The following CRHR1 variants were observed in gnomAD, a reference collection of about 807,000 sequenced individuals.
CRHR1 encodes corticotropin-releasing hormone receptor 1.
Under a neutral mutation model 56.0 loss-of-function variants are expected in CRHR1, and 28 were observed. The observed-to-expected ratio is 0.50, with a 90% CI of 0.37 to 0.69. CRHR1 has a LOEUF of 0.69. Among genes scored for constraint, CRHR1 ranks in the 30% least tolerant of loss-of-function variants. The pLI is 0.00. For missense variants in CRHR1, 376 were observed against 548.0 expected, an observed-to-expected ratio of 0.69 and a Z score of 3.13; for synonymous variants, 195 against 216.5, an observed-to-expected ratio of 0.90 and a Z score of 0.87.
chr17:45,834,802 C>T lies in CRHR1; in HGVS notation c.*38C>T, dbSNP rs947361362. ...TGGAGCAGCCCCCAAAGAGCTGTGG[C>T]TGGGGGGATGACGGCCAGGCTCCCT... is the stretch of plus-strand genomic sequence containing the variant. On this transcript the variant is annotated 3_prime_UTR_variant, in exon 13 of 13. Transcript: ENST00000314537. 4.3e-6 allele frequency: 7 copies of T among 1,612,248 alleles called. No individual in the cohort carries two copies. The highest frequency in any genetic ancestry group is 1.7e-4 in the Middle Eastern group (1 of 6,056).
At chr17:45,822,870 G>A (rs1286357331) in intron 4 of CRHR1, among the ~76,000 whole-genome samples, 3 of 149,424 alleles carry the variant, frequency 2.0e-5, no homozygotes, top group African/African-American at 7.4e-5. Flanking sequence ...GTGGGGCCAA[G>A]TGCGGTGGCT....
intron 1 of CRHR1, among the ~76,000 whole-genome samples, chr17:45,791,029 C>G (rs1245388136): frequency 6.6e-6 from 1 of 152,214 alleles, no homozygotes; most frequent in African/African-American, 2.4e-5. Context: ...GCAGCATTGC[C>G]ATTTCCAGTG....
chr17:45,810,063 T>C (rs1197442471), intron 2 of CRHR1, among the ~76,000 whole-genome samples: 1 of 152,132 alleles, frequency 6.6e-6, no homozygotes, highest in Non-Finnish European at 1.5e-5. Context: ...TCGGATCACT[T>C]GAGGTCAGGT....
chr17:45,796,697 G>A (rs1456228024), intron 1 of CRHR1, among the ~76,000 whole-genome samples: 3 of 152,056 alleles, frequency 2.0e-5, no homozygotes, highest in African/African-American at 7.2e-5. Flanking sequence ...GGGTCGAGAA[G>A]GATTAAATGA....
intron 1 of CRHR1, among the ~76,000 whole-genome samples, chr17:45,806,566 C>T (rs1431148169): frequency 2.6e-5 from 4 of 152,114 alleles, no homozygotes; most frequent in East Asian, 1.9e-4. Flanking sequence ...AGTGGGTGCA[C>T]GCATGGGGAT....
At chr17:45,787,351 A>G (rs1174622095) in intron 1 of CRHR1, among the ~76,000 whole-genome samples, 2 of 152,148 alleles carry the variant, frequency 1.3e-5, no homozygotes, top group Non-Finnish European at 2.9e-5. Flanking sequence ...AGGGAGATGG[A>G]GTGTGGCTGT....
intron 2 of CRHR1, among the ~76,000 whole-genome samples, chr17:45,808,358 C>T (rs140643482): frequency 1.5e-3 from 233 of 152,282 alleles, no homozygotes; most frequent in African/African-American, 4.8e-3. Flanking sequence ...AGCCTGGGGG[C>T]AGAGGAACAA....
chr17:45,818,127 G>A (rs773065115), intron 3 of CRHR1, among the ~76,000 whole-genome samples: 2 of 152,142 alleles, frequency 1.3e-5, no homozygotes, highest in Admixed American at 6.5e-5. Flanking sequence ...AGTGATCCTC[G>A]TGTCTGGGCC....
chr17:45,805,751 G>A (rs1021955681), intron 1 of CRHR1, among the ~76,000 whole-genome samples: 2 of 152,134 alleles, frequency 1.3e-5, no homozygotes, highest in African/African-American at 4.8e-5. Flanking sequence ...CGGTTACAAT[G>A]CTCCCCTCTC....
chr17:45,809,241 T>A (rs1291239750), intron 2 of CRHR1, among the ~76,000 whole-genome samples: 1 of 152,122 alleles, frequency 6.6e-6, no homozygotes, highest in Non-Finnish European at 1.5e-5. Flanking sequence ...CCAGAGCATC[T>A]GGCTGCAAAG....
intron 1 of CRHR1, among the ~76,000 whole-genome samples, chr17:45,801,970 T>C (rs1169779761): frequency 6.6e-6 from 1 of 152,086 alleles, no homozygotes; most frequent in Non-Finnish European, 1.5e-5. Flanking sequence ...TTTGCAAATC[T>C]TCACACTGCC....
chr17:45,831,408 T>C (rs1194611118), intron 8 of CRHR1, among the ~76,000 whole-genome samples: 34 of 151,930 alleles, frequency 2.2e-4, no homozygotes, highest in Admixed American at 2.2e-3. Flanking sequence ...AATAAAAGAG[T>C]CCATGAATTT....
intron 2 of CRHR1, among the ~76,000 whole-genome samples, chr17:45,812,412 A>G (rs1264037447): frequency 1.3e-5 from 2 of 152,182 alleles, no homozygotes; most frequent in African/African-American, 4.8e-5. Flanking sequence ...TGGCTTGGCT[A>G]TTTGCAAGGT....
chr17:45,828,885 C>A (rs371661855), intron 4 of CRHR1, among the ~76,000 whole-genome samples: 13 of 152,186 alleles, frequency 8.5e-5, no homozygotes, highest in African/African-American at 2.7e-4. Flanking sequence ...TGGGTAGATG[C>A]GAGTGTGAGG....
intron 1 of CRHR1, among the ~76,000 whole-genome samples, chr17:45,789,858 C>CG (rs1568027463): frequency 6.6e-6 from 1 of 152,066 alleles, no homozygotes; most frequent in Non-Finnish European, 1.5e-5. Context: ...CTGTCTAAAG[C>CG]GGGGGAAATA....
At chr17:45,795,027 C>T (rs1034950615) in intron 1 of CRHR1, among the ~76,000 whole-genome samples, 1 of 152,228 alleles carries the variant, frequency 6.6e-6, no homozygotes, top group Non-Finnish European at 1.5e-5. Flanking sequence ...CTTCCTGCAT[C>T]TCCTGTGCAC....
chr17:45,823,455 T>A (rs1273585769), intron 4 of CRHR1, among the ~76,000 whole-genome samples: 1 of 144,616 alleles, frequency 6.9e-6, no homozygotes, highest in African/African-American at 2.6e-5. Context: ...GTCGCCAGGC[T>A]GGAGTGCTGT....
chr17:45,791,899 C>T (rs865904156), intron 1 of CRHR1, among the ~76,000 whole-genome samples: 2 of 151,590 alleles, frequency 1.3e-5, no homozygotes, highest in East Asian at 1.9e-4. Flanking sequence ...GGTACCCTGG[C>T]GAGTGAGCTA....
intron 2 of CRHR1, among the ~76,000 whole-genome samples, chr17:45,810,050 C>T (rs1021650685): frequency 2.6e-5 from 4 of 152,116 alleles, no homozygotes; most frequent in African/African-American, 9.7e-5. Context: ...GAGGCCGAGG[C>T]GGTCGGATCA....
Sources: allele counts gnomAD v4.1 joint callset (sites outside exome capture counted in the v4.1 genomes callset), GRCh38; gene constraint gnomAD v4.1.1; transcripts MANE v1.5; gene names NCBI Gene and HGNC (gene_info 2026-07-23, HGNC 2026-07-21).